The following LGR4 variants were observed in gnomAD, a reference collection of about 807,000 sequenced individuals.
The protein encoded by LGR4 is leucine-rich repeat-containing G protein-coupled receptor 4.
In LGR4, 44 loss-of-function variants were observed where a neutral mutation model predicts 84.8. The observed-to-expected ratio is 0.52, with a 90% CI of 0.41 to 0.67. LGR4 has a LOEUF of 0.67. Among genes scored for constraint, LGR4 ranks in the 30% least tolerant of loss-of-function variants. LGR4 has a pLI of 0.00. For synonymous variants in LGR4, 429 were observed against 434.3 expected (o/e 0.99, Z 0.15); for missense variants, 1,032 against 1,131.4 (o/e 0.91, Z 1.26).
intron 1 of LGR4, among the ~76,000 whole-genome samples, chr11:27,448,518 C>A (rs1340618547): frequency 1.3e-5 from 2 of 152,044 alleles, no homozygotes; most frequent in African/African-American, 4.8e-5. Context: ...TCTCGAACTC[C>A]CGACCTCAGG....
chr11:27,398,229 G>T (rs1863427041), intron 2 of LGR4, among the ~76,000 whole-genome samples: 1 of 152,184 alleles, frequency 6.6e-6, no homozygotes, highest in Admixed American at 6.5e-5. Flanking sequence ...TAAATATGGG[G>T]CACTGGTCAA....
chr11:27,368,413 T>C lies in LGR4; in HGVS notation c.2310A>G (p.Pro770=), dbSNP rs772778170. ...FCPVAFFSFA[P]LITAISISPE... ...GGCTGATAGAGATTGCAGTGATCAA[T>C]GGTGCAAATGAAAAAAACGCCACAG... Residue 770 remains proline, a synonymous_variant, in exon 18 of 18, where the codon CCA becomes CCG. Transcript: ENST00000379214. 6.2e-7 allele frequency: 1 copy of C among 1,614,134 alleles called. No homozygotes were observed. The highest frequency in any genetic ancestry group is 8.5e-7 in the Non-Finnish European group (1 of 1,180,008).
At chr11:27,468,053 G>T (rs1427950800) in intron 1 of LGR4, among the ~76,000 whole-genome samples, 1 of 152,126 alleles carries the variant, frequency 6.6e-6, no homozygotes. Flanking sequence ...CAGAGAATAC[G>T]TTAAAAAGTA....
intron 1 of LGR4, among the ~76,000 whole-genome samples, chr11:27,431,572 C>T (rs1864116664): frequency 6.6e-6 from 1 of 152,212 alleles, no homozygotes; most frequent in African/African-American, 2.4e-5. Flanking sequence ...AAATGGTCTG[C>T]TGTTTTTCAT....
intron 1 of LGR4, among the ~76,000 whole-genome samples, chr11:27,452,668 G>A (rs1407638943): frequency 3.7e-5 from 5 of 136,260 alleles, no homozygotes; most frequent in Non-Finnish European, 6.1e-5. Flanking sequence ...CTGTCGCCCC[G>A]GCTGGAGTGC....
At chr11:27,434,188 A>G (rs1246510388) in intron 1 of LGR4, among the ~76,000 whole-genome samples, 1 of 152,260 alleles carries the variant, frequency 6.6e-6, no homozygotes, top group Non-Finnish European at 1.5e-5. Context: ...GAAGGCCAGG[A>G]CAGTGAGGGA....
At chr11:27,373,397 T>A in intron 15 of LGR4, 154 bp downstream of exon 15, 1 of 627,770 alleles carries the variant, frequency 1.6e-6, no homozygotes, top group Non-Finnish European at 2.6e-6. Flanking sequence ...GTTCATATTC[T>A]ATTTTTCACC....
intron 1 of LGR4, among the ~76,000 whole-genome samples, chr11:27,453,169 A>G (rs760890295): frequency 2.0e-5 from 3 of 151,410 alleles, no homozygotes; most frequent in Non-Finnish European, 4.4e-5. Context: ...CCCAGGTTCA[A>G]GCAAATCTCC....
chr11:27,367,902 G>T lies in LGR4; in HGVS notation c.2821C>A (p.Arg941Ser), dbSNP rs201095301. ...ACTCTTGGTAGATTGTAAGCATAGCGCACCAAAGGGAATCCTCTACTCTGG... is the reference window on the plus strand; with the variant it reads ...ACTCTTGGTAGATTGTAAGCATAGCTCACCAAAGGGAATCCTCTACTCTGG... Reference protein sequence around the residue: ...FYQSRGFPLVRYAYNLPRVKD With the variant: ...FYQSRGFPLVSYAYNLPRVKD The change falls in exon 18 of 18, where the codon CGC (arginine) becomes AGC (serine). Residue 941 changes from arginine (R) to serine (S), a missense_variant. Physicochemically the swap from Arg to Ser is moderately radical, Grantham distance 110 (BLOSUM62 -1). Transcript: ENST00000379214. The T allele has an allele frequency of 2.4e-4, 380 of 1,603,576 alleles. No homozygotes were observed. Among genetic ancestry groups the T allele is most frequent in the Middle Eastern group, 1.0e-3 (6 of 5,988 alleles).
rs144168526 is a variant in LGR4, at chr11:27,412,791, C to T, written c.255G>A (p.Glu85=). 95 of 1,552,130 alleles carry T rather than the reference C, an allele frequency of 6.1e-5. No homozygotes were observed. The highest frequency in any genetic ancestry group is 5.0e-4 in the Middle Eastern group (3 of 5,952). The change falls in exon 2 of 18, where the codon GAG becomes GAA. Residue 85 remains glutamate, a splice_region_variant and synonymous_variant. Transcript: ENST00000379214. ...DAFKNFPFLE[E]LQLAGNDLSF... The stretch of plus-strand genomic sequence containing the variant: ...ACATTTCTCAAAGTAATACTTACAG[C>T]TCTTCTAGAAAAGGAAAGTTCTTAA...
intron 1 of LGR4, among the ~76,000 whole-genome samples, chr11:27,458,798 C>T (rs188413500): frequency 5.3e-5 from 8 of 152,250 alleles, no homozygotes; most frequent in Admixed American, 4.6e-4. Flanking sequence ...CTTGGCCTCC[C>T]AAAGTGCTGG....
At chr11:27,421,091 C>T (rs1032943276) in intron 1 of LGR4, among the ~76,000 whole-genome samples, 8 of 152,124 alleles carry the variant, frequency 5.3e-5, no homozygotes, top group East Asian at 1.9e-4. Flanking sequence ...GCTGTAGAAA[C>T]GTCATCCTGA....
intron 1 of LGR4, among the ~76,000 whole-genome samples, chr11:27,449,214 C>T (rs1368906193): frequency 3.9e-5 from 6 of 152,042 alleles, no homozygotes; most frequent in African/African-American, 1.4e-4. Context: ...CAAGACATGC[C>T]TAAGAGTTTA....
intron 2 of LGR4, among the ~76,000 whole-genome samples, chr11:27,407,052 A>T (rs1863624981): frequency 6.6e-6 from 1 of 152,134 alleles, no homozygotes; most frequent in African/African-American, 2.4e-5. Context: ...ATGACATTGA[A>T]CTCTGTAAGG....
At chr11:27,437,631 A>G (rs1004589164) in intron 1 of LGR4, among the ~76,000 whole-genome samples, 3 of 148,064 alleles carry the variant, frequency 2.0e-5, no homozygotes, top group African/African-American at 7.5e-5. Flanking sequence ...GTCTTTATGG[A>G]TTTTTACTTG....
chr11:27,401,279 A>G (rs577186679), intron 2 of LGR4, among the ~76,000 whole-genome samples: 1 of 152,214 alleles, frequency 6.6e-6, no homozygotes, highest in Admixed American at 6.5e-5. Context: ...TCTTCTACCT[A>G]CTAAAGAGCT....
At chr11:27,469,274 T>G (rs1864829976) in intron 1 of LGR4, among the ~76,000 whole-genome samples, 1 of 152,196 alleles carries the variant, frequency 6.6e-6, no homozygotes, top group Non-Finnish European at 1.5e-5. Flanking sequence ...ACTGTTAGAC[T>G]GAACAAGTTT....
In LGR4 at chr11:27,368,149, GCAAA is replaced by G. The variant is rs1862804134; in HGVS notation, c.2570_2573del (p.Val857AlafsTer9). ...TTAAAAGAAACGATTCGCAGCAGTC[GCAAA>G]CAGTCAGGTTGCCCTGCAAATGTGA... On this transcript the variant is annotated frameshift_variant, in exon 18 of 18. Coordinates refer to ENST00000379214, the MANE Select transcript of LGR4 (RefSeq NM_018490.5). LOFTEE classifies it high-confidence loss of function. 6 of 1,614,170 alleles carry G rather than the reference GCAAA, an allele frequency of 3.7e-6. No homozygotes were observed. The highest frequency in any genetic ancestry group is 4.2e-6 in the Non-Finnish European group (5 of 1,180,038).
chr11:27,416,170 T>C (rs533229922), intron 1 of LGR4, among the ~76,000 whole-genome samples: 1 of 152,208 alleles, frequency 6.6e-6, no homozygotes, highest in East Asian at 1.9e-4. Flanking sequence ...TGTAAATATA[T>C]ATCATATGAG....
Sources: gnomAD v4.1 joint callset for allele counts (sites outside exome capture counted in the v4.1 genomes callset) on GRCh38, gnomAD v4.1.1 for gene constraint, MANE v1.5 for transcripts, NCBI Gene and HGNC (gene_info 2026-07-23, HGNC 2026-07-21) for gene names.